The following LMLN variants were observed in gnomAD, a reference collection of about 807,000 sequenced individuals.
LMLN encodes leishmanolysin-like peptidase.
A neutral mutation model predicts 92.3 loss-of-function variants in LMLN; 70 were observed. That is an observed-to-expected ratio of 0.76 (90% CI 0.63 to 0.92). The LOEUF is 0.92. LMLN is among the 40% of genes least tolerant of loss of function. LMLN has a pLI of 0.00. For missense variants in LMLN, 691 were observed against 814.6 expected (o/e 0.85, Z 1.85); for synonymous variants, 308 against 296.2 (o/e 1.04, Z -0.41).
At chr3:197,982,223 C>CTTTTT (rs1241377836) in intron 6 of LMLN, among the ~76,000 whole-genome samples, 8 of 116,552 alleles carry the variant, frequency 6.9e-5, no homozygotes, top group Middle Eastern at 5.5e-3. Flanking sequence ...CAGTTACCTT[C>CTTTTT]TTTTTTTTTT....
chr3:197,986,328 G>T (rs561284937), intron 8 of LMLN, among the ~76,000 whole-genome samples: 3 of 152,300 alleles, frequency 2.0e-5, no homozygotes, highest in Non-Finnish European at 4.4e-5. Context: ...AGGCATGGTT[G>T]CATGCGCCTG....
exon 16 of LMLN, chr3:198,039,117 A>ACCAACCACCTTCTTCAGCAAC (rs1560160882): frequency 6.4e-6 from 1 of 157,166 alleles, no homozygotes; most frequent in African/African-American, 2.6e-5. Flanking sequence ...TCATCAGCAA[A>ACCAACCACCTTCTTCAGCAAC]CCAACCACCT....
At chr3:198,003,154 T>TAATCA in intron 11 of LMLN, 29 bp downstream of exon 12, 1 of 1,249,488 alleles carries the variant, frequency 8.0e-7, no homozygotes, top group Non-Finnish European at 1.1e-6. Flanking sequence ...ACAGTGTCAC[T>TAATCA]GATTACACAG....
intron 1 of LMLN, among the ~76,000 whole-genome samples, chr3:197,967,819 C>A (rs1188210471): frequency 6.6e-6 from 1 of 152,126 alleles, no homozygotes; most frequent in African/African-American, 2.4e-5. Context: ...AGACCTCCCC[C>A]AAGGAATGCA....
At chr3:197,982,312 A>T (rs769584243) in intron 6 of LMLN, among the ~76,000 whole-genome samples, 19 of 143,782 alleles carry the variant, frequency 1.3e-4, no homozygotes, top group Non-Finnish European at 2.2e-4. Context: ...TGCAGCCTCG[A>T]CCTCCTGGGT....
intron 3 of LMLN, among the ~76,000 whole-genome samples, 200 bp downstream of exon 3, chr3:197,975,272 CT>C (rs918014283): frequency 3.3e-5 from 5 of 152,212 alleles, no homozygotes; most frequent in Middle Eastern, 3.4e-3. Flanking sequence ...TTAAATTAGT[CT>C]TTTTTTGTAA....
At chr3:198,028,031 A>G (rs1213220140) in intron 14 of LMLN, among the ~76,000 whole-genome samples, 1 of 152,164 alleles carries the variant, frequency 6.6e-6, no homozygotes, top group Non-Finnish European at 1.5e-5. Flanking sequence ...TTAGGTTCAC[A>G]ACAAATTTAA....
rs1362139961 is a variant in LMLN at position 198,031,932 on chromosome 3, C to T, written c.1657-3901C>T. On this transcript the variant is annotated intron_variant, in intron 14 of 15. Transcript: ENST00000330198. This position sits in a 1 kb window ranked among gnomAD's most constrained non-coding sequence, Gnocchi z 4.8. ...GCCTGGCCAACATGATGAAACCCCT[C>T]ATCTACTAAAAATACAAAAATTAGC... 6.6e-6 allele frequency among the ~76,000 whole-genome samples: 1 copy of T among 151,854 alleles called. No individual in the cohort carries two copies. Among genetic ancestry groups the T allele is most frequent in the African/African-American group, 2.4e-5 (1 of 41,310 alleles).
At chr3:198,032,929 T>C (rs561850833) in intron 14 of LMLN, among the ~76,000 whole-genome samples, 3 of 152,322 alleles carry the variant, frequency 2.0e-5, no homozygotes, top group Admixed American at 6.5e-5. Context: ...ATCCTTTTGA[T>C]TGTAGCTCTT....
At chr3:197,976,558 CT>C in intron 4 of LMLN, 39 bp from the exon 5 acceptor site, 3 of 1,171,952 alleles carry the variant, frequency 2.6e-6, no homozygotes, top group South Asian at 1.5e-5. Flanking sequence ...AAAATATTCT[CT>C]TTTTTGTATT....
At chr3:197,965,187 T>A (rs995885793) in intron 1 of LMLN, among the ~76,000 whole-genome samples, 1 of 152,222 alleles carries the variant, frequency 6.6e-6, no homozygotes, top group East Asian at 1.9e-4. Context: ...GCACATTTTT[T>A]ATTTTTATTT....
At chr3:197,992,266 C>T (rs370228226) in intron 9 of LMLN, among the ~76,000 whole-genome samples, 1 of 152,102 alleles carries the variant, frequency 6.6e-6, no homozygotes, top group East Asian at 1.9e-4. Context: ...ACCACGGATC[C>T]TGAGGTATCA....
exon 16 of LMLN, chr3:198,040,432 A>G (rs1035047442): frequency 6.6e-6 from 1 of 152,268 alleles, no homozygotes; most frequent in Admixed American, 6.5e-5. Context: ...GAAAAGAAAA[A>G]AGAAAAAATA....
chr3:197,969,146 A>G (rs1168085349), intron 1 of LMLN, among the ~76,000 whole-genome samples: 1 of 151,852 alleles, frequency 6.6e-6, no homozygotes, highest in Admixed American at 6.6e-5. Context: ...CAATAGCACG[A>G]TCACTGCTCA....
At chr3:198,016,877 T>A (rs1042753938) in intron 11 of LMLN, among the ~76,000 whole-genome samples, 6 of 152,126 alleles carry the variant, frequency 3.9e-5, no homozygotes, top group Non-Finnish European at 7.4e-5. Flanking sequence ...GTTATTACAG[T>A]CTCTGTCACA....
chr3:198,007,204 A>G (rs1002028171), intron 11 of LMLN, among the ~76,000 whole-genome samples: 3 of 152,192 alleles, frequency 2.0e-5, no homozygotes, highest in African/African-American at 7.2e-5. Context: ...AGTCCAGAAT[A>G]TCAGTTTGTC....
exon 16 of LMLN, chr3:198,038,784 C>A: frequency 1.2e-6 from 1 of 800,522 alleles, no homozygotes; most frequent in East Asian, 2.5e-5. Flanking sequence ...CTGGCTTTGG[C>A]TTGGAAGAAT....
At chr3:198,029,099 GTC>G (rs1346692528) in intron 14 of LMLN, among the ~76,000 whole-genome samples, 3 of 152,168 alleles carry the variant, frequency 2.0e-5, no homozygotes, top group Admixed American at 6.5e-5. Flanking sequence ...ACTGGTCCCA[GTC>G]TCTCTAATTA....
chr3:198,021,860 A>G, intron 13 of LMLN, among the ~76,000 whole-genome samples: 1 of 152,222 alleles, frequency 6.6e-6, no homozygotes, highest in Non-Finnish European at 1.5e-5. Context: ...TGCCTGACCC[A>G]TCGAAGGGAT....
Sources: gnomAD v4.1 joint callset for allele counts (sites outside exome capture counted in the v4.1 genomes callset) on GRCh38, gnomAD v4.1.1 for gene constraint, Gnocchi (gnomAD v3.1) non-coding constraint, MANE v1.5 for transcripts, NCBI Gene and HGNC (gene_info 2026-07-23, HGNC 2026-07-21) for gene names.